The following PXDNL variants were observed in gnomAD, a reference collection of about 807,000 sequenced individuals.
PXDNL encodes the protein probable oxidoreductase PXDNL.
In PXDNL, 145 loss-of-function variants were observed where a neutral mutation model predicts 150.8. That is an observed-to-expected ratio of 0.96 (90% CI 0.84 to 1.10). The LOEUF is 1.10. Ranked by LOEUF, PXDNL falls within the 50% of genes least tolerant of loss-of-function variation. The pLI is 0.00. For missense variants in PXDNL, 2,087 were observed against 1,873.9 expected, an observed-to-expected ratio of 1.11 and a Z score of -2.10; for synonymous variants, 757 against 725.7, an observed-to-expected ratio of 1.04 and a Z score of -0.69.
Position 51,490,516 on chromosome 8 carries a change from G to T in PXDNL, c.453-6802C>A, listed in dbSNP as rs549572274. Among the ~76,000 whole-genome samples, 6 of 151,486 alleles carry T rather than the reference G, an allele frequency of 4.0e-5. No individual in the cohort carries two copies. In the East Asian group the frequency reaches 1.2e-3, roughly 29 times the overall value. On this transcript the variant is annotated intron_variant, in intron 5 of 22. Transcript: ENST00000356297. ...TTCAAAACTTTAAATAAAGAAGACA[G>T]GCTATCAAAATTAATGCCACAAGAA... is the stretch of plus-strand genomic sequence containing the variant.
At chr8:51,392,256 T>A (rs572293352) in intron 17 of PXDNL, among the ~76,000 whole-genome samples, 2 of 152,166 alleles carry the variant, frequency 1.3e-5, no homozygotes, top group African/African-American at 4.8e-5. Context: ...TTTAAAATAG[T>A]TTTTTCCACT....
At chr8:51,681,840 G>T (rs1295689508) in intron 1 of PXDNL, among the ~76,000 whole-genome samples, 1 of 152,122 alleles carries the variant, frequency 6.6e-6, no homozygotes, top group East Asian at 1.9e-4. Context: ...CTCTCAGTGG[G>T]CACCATGTTT....
chr8:51,753,606 G>T (rs1360544097), intron 1 of PXDNL, among the ~76,000 whole-genome samples: 2 of 152,158 alleles, frequency 1.3e-5, no homozygotes. Flanking sequence ...ACACTAAAAG[G>T]TTCATTGGGT....
At chr8:51,500,297 T>C (rs1281310832) in intron 4 of PXDNL, among the ~76,000 whole-genome samples, 9 of 152,234 alleles carry the variant, frequency 5.9e-5, no homozygotes. Flanking sequence ...TGTCTTGTTT[T>C]AATCCTTTTG....
At chr8:51,604,417 C>A (rs934101836) in intron 2 of PXDNL, among the ~76,000 whole-genome samples, 10 of 152,150 alleles carry the variant, frequency 6.6e-5, no homozygotes, top group African/African-American at 2.4e-4. Flanking sequence ...CCAAACACTG[C>A]ATGTTCTCAC....
chr8:51,384,389 AT>A (rs1375187392), intron 17 of PXDNL, among the ~76,000 whole-genome samples: 1 of 151,276 alleles, frequency 6.6e-6, no homozygotes, highest in Non-Finnish European at 1.5e-5. Flanking sequence ...AAAAAAAAAA[AT>A]CTTATGGTTA....
At chr8:51,451,840 A>T (rs1253415146) in intron 10 of PXDNL, among the ~76,000 whole-genome samples, 1 of 152,208 alleles carries the variant, frequency 6.6e-6, no homozygotes. Flanking sequence ...AGCCTTTTAA[A>T]TAAATGTATA....
At chr8:51,487,556 G>A (rs565898144) in intron 5 of PXDNL, among the ~76,000 whole-genome samples, 5 of 152,094 alleles carry the variant, frequency 3.3e-5, no homozygotes, top group East Asian at 3.9e-4. Flanking sequence ...ATACTTTAAC[G>A]AAAGCACTCA....
intron 1 of PXDNL, among the ~76,000 whole-genome samples, chr8:51,743,945 A>AAGGAAGGAAGGAAGGAAGGAAGG (rs2036935574): frequency 1.3e-4 from 3 of 22,348 alleles, no homozygotes; most frequent in Non-Finnish European, 1.8e-4. Flanking sequence ...GGAAGGAGAG[A>AAGGAAGGAAGGAAGGAAGGAAGG]AAGAGAGAAA....
intron 8 of PXDNL, among the ~76,000 whole-genome samples, chr8:51,461,262 C>G (rs1810075540): frequency 6.6e-6 from 1 of 152,196 alleles, no homozygotes; most frequent in South Asian, 2.1e-4. Flanking sequence ...GAGTGAAATG[C>G]AGATTTGTGT....
At chr8:51,330,142 T>C (rs1054402713) in intron 21 of PXDNL, among the ~76,000 whole-genome samples, 8 of 152,160 alleles carry the variant, frequency 5.3e-5, no homozygotes, top group Non-Finnish European at 1.0e-4. Context: ...CTTTTCTTAG[T>C]CCACCAATTC....
chr8:51,367,135 A>T (rs1055413627), intron 19 of PXDNL, among the ~76,000 whole-genome samples: 3 of 150,456 alleles, frequency 2.0e-5, no homozygotes, highest in Non-Finnish European at 4.4e-5. Flanking sequence ...AAAAATTCAT[A>T]TAAAAGGAAG....
chr8:51,356,183 C>T (rs553295628), intron 19 of PXDNL, among the ~76,000 whole-genome samples: 1 of 152,290 alleles, frequency 6.6e-6, no homozygotes, highest in Admixed American at 6.5e-5. Context: ...CTTAGGCCAC[C>T]TCCAGCTTCA....
chr8:51,504,915 T>C (rs1402692521), intron 4 of PXDNL, among the ~76,000 whole-genome samples: 2 of 152,218 alleles, frequency 1.3e-5, no homozygotes, highest in Non-Finnish European at 2.9e-5. Flanking sequence ...AGCTCAACAA[T>C]CTATAATGGC....
intron 4 of PXDNL, among the ~76,000 whole-genome samples, chr8:51,520,045 G>A (rs143318044): frequency 2.0e-5 from 3 of 152,176 alleles, no homozygotes; most frequent in African/African-American, 7.2e-5. Context: ...TGTGGACTGC[G>A]GTTGTGGGTA....
At chr8:51,466,305 C>T (rs1026695908) in intron 8 of PXDNL, among the ~76,000 whole-genome samples, 3 of 152,080 alleles carry the variant, frequency 2.0e-5, no homozygotes, top group Non-Finnish European at 4.4e-5. Flanking sequence ...GAAAAGGATT[C>T]CCTATTCAAT....
intron 1 of PXDNL, among the ~76,000 whole-genome samples, chr8:51,758,309 C>T (rs1014687991): frequency 6.6e-6 from 1 of 152,146 alleles, no homozygotes; most frequent in Non-Finnish European, 1.5e-5. Context: ...TATTCCTTAG[C>T]CACCATGTGC....
At chr8:51,593,447 A>C (rs958921188) in intron 2 of PXDNL, among the ~76,000 whole-genome samples, 1 of 152,220 alleles carries the variant, frequency 6.6e-6, no homozygotes, top group Non-Finnish European at 1.5e-5. Flanking sequence ...TTAGATTGGC[A>C]CACATGTTCC....
At chr8:51,361,836 C>A (rs752546247) in intron 19 of PXDNL, among the ~76,000 whole-genome samples, 3 of 149,208 alleles carry the variant, frequency 2.0e-5, no homozygotes, top group African/African-American at 4.9e-5. Context: ...ATAGTGGACA[C>A]CTGTAGTCCC....
Sources: gnomAD v4.1 joint callset for allele counts (sites outside exome capture counted in the v4.1 genomes callset) on GRCh38, gnomAD v4.1.1 for gene constraint, MANE v1.5 for transcripts, NCBI Gene and HGNC (gene_info 2026-07-23, HGNC 2026-07-21) for gene names.